SLC1A2: variants seen among roughly 807,000 people sequenced by gnomAD.
SLC1A2 encodes the protein solute carrier family 1 member 2, also known as excitatory amino acid transporter 2.
A neutral mutation model predicts 48.8 loss-of-function variants in SLC1A2; 15 were observed. The observed-to-expected ratio is 0.31, with a 90% CI of 0.21 to 0.47. SLC1A2 has a LOEUF of 0.47. Ranked by LOEUF, SLC1A2 falls within the 20% of genes least tolerant of loss-of-function variation. SLC1A2 has a pLI of 0.99. For synonymous variants in SLC1A2, 279 were observed against 272.6 expected (o/e 1.02, Z -0.23); for missense variants, 502 against 730.5 (o/e 0.69, Z 3.61).
intron 1 of SLC1A2, among the ~76,000 whole-genome samples, chr11:35,387,122 C>A (rs964063093): frequency 2.6e-5 from 4 of 152,132 alleles, no homozygotes; most frequent in African/African-American, 9.7e-5. Context: ...CCCTCACCCC[C>A]ATTCTCCTGT....
chr11:35,335,976 C>T (rs922135867), intron 1 of SLC1A2, among the ~76,000 whole-genome samples: 2 of 152,276 alleles, frequency 1.3e-5, no homozygotes, highest in East Asian at 3.9e-4. Context: ...CAATGGAATA[C>T]TATGCAGCCA....
chr11:35,262,511 C>A (rs1950408833), intron 10 of SLC1A2, among the ~76,000 whole-genome samples: 1 of 152,154 alleles, frequency 6.6e-6, no homozygotes, highest in Non-Finnish European at 1.5e-5. Flanking sequence ...ATGGCATTGG[C>A]AGCAAGCGCT....
chr11:35,364,513 T>G (rs929337236), intron 1 of SLC1A2, among the ~76,000 whole-genome samples: 2 of 152,302 alleles, frequency 1.3e-5, no homozygotes, highest in East Asian at 3.9e-4. Flanking sequence ...AAGACTTGAT[T>G]TTCTTTTCAA....
chr11:35,375,570 G>A (rs1461577987), intron 1 of SLC1A2, among the ~76,000 whole-genome samples: 1 of 152,212 alleles, frequency 6.6e-6, no homozygotes, highest in Admixed American at 6.5e-5. Context: ...CCGTGTGGTA[G>A]TAGCATCCAA....
intron 8 of SLC1A2, among the ~76,000 whole-genome samples, chr11:35,284,086 A>ATTAT (rs1850729390): frequency 1.6e-5 from 1 of 63,456 alleles, no homozygotes; most frequent in Non-Finnish European, 3.2e-5. Flanking sequence ...TGAAGATTTT[A>ATTAT]TTATATATAT....
chr11:35,360,693 A>G (rs149099068), intron 1 of SLC1A2, among the ~76,000 whole-genome samples: 1 of 152,154 alleles, frequency 6.6e-6, no homozygotes, highest in African/African-American at 2.4e-5. Flanking sequence ...TTGTGGAAGG[A>G]CCTCTCTTTG....
intron 10 of SLC1A2, 41 bp from the exon 11 acceptor site, chr11:35,261,006 A>G (rs1950386275): frequency 6.7e-7 from 1 of 1,487,054 alleles, no homozygotes; most frequent in South Asian, 1.1e-5. Flanking sequence ...ACAGACCACG[A>G]ACCAGAAAAA....
At chr11:35,303,354 C>T (rs747222838) in intron 5 of SLC1A2, among the ~76,000 whole-genome samples, 7 of 152,192 alleles carry the variant, frequency 4.6e-5, no homozygotes, top group Admixed American at 2.6e-4. Flanking sequence ...CATTTAGTAT[C>T]TCCTCTTTTT....
chr11:35,371,993 C>T (rs1174576106), intron 1 of SLC1A2, among the ~76,000 whole-genome samples: 1 of 152,212 alleles, frequency 6.6e-6, no homozygotes, highest in East Asian at 1.9e-4. Flanking sequence ...CTGGACAATG[C>T]ATGAAGAAGC....
At chr11:35,330,725 A>G (rs1236598187) in intron 1 of SLC1A2, among the ~76,000 whole-genome samples, 1 of 152,194 alleles carries the variant, frequency 6.6e-6, no homozygotes, top group East Asian at 1.9e-4. Flanking sequence ...GACACAGCCC[A>G]ATGTTGCTGG....
At chr11:35,267,326 T>C (rs1850123191) in intron 9 of SLC1A2, among the ~76,000 whole-genome samples, 1 of 152,192 alleles carries the variant, frequency 6.6e-6, no homozygotes, top group Non-Finnish European at 1.5e-5. Flanking sequence ...AGAGCCTTAG[T>C]TGCCTCGTTT....
intron 10 of SLC1A2, 49 bp downstream of exon 10, chr11:35,265,478 G>C: frequency 1.2e-6 from 1 of 869,040 alleles, no homozygotes; most frequent in Non-Finnish European, 1.9e-6. Context: ...AAGAAATCAA[G>C]CATGCACTAC....
chr11:35,374,288 T>A (rs1336251974), intron 1 of SLC1A2: 39 of 1,029,390 alleles, frequency 3.8e-5, no homozygotes, highest in Non-Finnish European at 3.1e-5. Context: ...CATTCAGGGA[T>A]GTGGCCACAG....
In SLC1A2 at chr11:35,306,270, G is replaced by C. The variant is rs781637289; in HGVS notation, c.562-28C>G. The C allele has an allele frequency of 6.9e-6, 11 of 1,589,890 alleles. No homozygotes were observed. In the South Asian group the frequency reaches 1.1e-4, roughly 16 times the overall value. Reference sequence around the variant, plus strand: ...AACAGAGTGAGGGAAAAAAGGCATAGAGCTGAGATTTGGCCTATAAGGTGA... The same window carrying C: ...AACAGAGTGAGGGAAAAAAGGCATACAGCTGAGATTTGGCCTATAAGGTGA... On this transcript the variant is annotated intron_variant, in intron 4 of 10. Transcript: ENST00000278379.
At chr11:35,266,428 A>G (rs991842980) in intron 9 of SLC1A2, among the ~76,000 whole-genome samples, 8 of 152,220 alleles carry the variant, frequency 5.3e-5, no homozygotes, top group African/African-American at 1.9e-4. Flanking sequence ...ATCTTGCTCT[A>G]TTAACCTAAA....
rs142537959 is a variant in SLC1A2, at chr11:35,379,144, G to A, written c.17+39806C>T. Among the ~76,000 whole-genome samples the A allele has an allele frequency of 2.4e-4, 37 of 152,198 alleles. 1 individual carries two copies. Among genetic ancestry groups the A allele is most frequent in the African/African-American group, 7.2e-4 (30 of 41,500 alleles). ...CTCAGGAGGCTAAGGCAGGAGTATC[G>A]CTTGAAGCTGGGAGGTGGAGGTTGC... On this transcript the variant is annotated intron_variant, in intron 1 of 10. Coordinates refer to ENST00000278379, the MANE Select transcript of SLC1A2 (RefSeq NM_004171.4).
chr11:35,394,152 C>G (rs1047157012), intron 1 of SLC1A2, among the ~76,000 whole-genome samples: 7 of 152,096 alleles, frequency 4.6e-5, no homozygotes, highest in Non-Finnish European at 8.8e-5. Context: ...TAAGTAAACT[C>G]CTCCTACCCA....
chr11:35,382,356 T>G (rs571459115), intron 1 of SLC1A2, among the ~76,000 whole-genome samples: 3 of 152,356 alleles, frequency 2.0e-5, no homozygotes, highest in Non-Finnish European at 4.4e-5. Context: ...TGCCCATCAT[T>G]CCATAGAGTG....
intron 1 of SLC1A2, among the ~76,000 whole-genome samples, chr11:35,360,365 T>C (rs533483728): frequency 2.4e-4 from 37 of 152,232 alleles, no homozygotes; most frequent in Non-Finnish European, 4.7e-4. Context: ...TTTTGTGAAT[T>C]TCTACTTGGT....
Sources: gnomAD v4.1 joint callset for allele counts (sites outside exome capture counted in the v4.1 genomes callset) on GRCh38, gnomAD v4.1.1 for gene constraint, MANE v1.5 for transcripts, NCBI Gene and HGNC (gene_info 2026-07-23, HGNC 2026-07-21) for gene names.